The following CLDN14 variants were observed in gnomAD, a reference collection of about 807,000 sequenced individuals.
The protein encoded by CLDN14 is claudin 14, also known as claudin-14.
In CLDN14, 2 loss-of-function variants were observed where a neutral mutation model predicts 2.1. The ratio of observed to expected loss-of-function variants is 0.96; its 90% CI spans 0.39 to 3.01. CLDN14 has a LOEUF of 3.01. Among genes scored for constraint, CLDN14 ranks in the 30% most tolerant of loss-of-function variants. The probability of loss-of-function intolerance (pLI) is 0.09; values close to 1 mark genes in which losing one functional copy is unlikely to be tolerated. For missense variants in CLDN14, 298 were observed against 328.0 expected, an observed-to-expected ratio of 0.91 and a Z score of 0.71; for synonymous variants, 136 against 154.4, an observed-to-expected ratio of 0.88 and a Z score of 0.88.
chr21:36,554,190 G>T (rs529495931), intron 1 of CLDN14, among the ~76,000 whole-genome samples: 167 of 152,240 alleles, frequency 1.1e-3, no homozygotes, highest in Non-Finnish European at 2.1e-3. Flanking sequence ...AGGCCACTTT[G>T]GATATATGGC....
chr21:36,543,553 C>T (rs185701482), intron 1 of CLDN14, among the ~76,000 whole-genome samples: 34 of 152,352 alleles, frequency 2.2e-4, no homozygotes, highest in Non-Finnish European at 2.9e-5. Context: ...TTACCAAACA[C>T]TTCTCATGTT....
chr21:36,462,711 C>T (rs147028391), intron 1 of CLDN14, among the ~76,000 whole-genome samples: 5,086 of 152,034 alleles, frequency 0.033, 277 homozygotes, highest in African/African-American at 0.11. Flanking sequence ...AGGTGGATCA[C>T]CTGAGTTCAG....
chr21:36,500,146 C>T (rs1052367277), intron 2 of CLDN14, among the ~76,000 whole-genome samples: 2 of 152,254 alleles, frequency 1.3e-5, no homozygotes, highest in African/African-American at 2.4e-5. Context: ...AGTTAGCACA[C>T]GGCCCCATAT....
intron 1 of CLDN14, among the ~76,000 whole-genome samples, chr21:36,528,208 TA>T (rs1400411170): frequency 1.3e-5 from 2 of 152,214 alleles, no homozygotes; most frequent in Non-Finnish European, 2.9e-5. Context: ...ATATTATTAA[TA>T]AGGTATGAAT....
At chr21:36,485,423 G>A (rs1271785161) in intron 2 of CLDN14, among the ~76,000 whole-genome samples, 1 of 152,040 alleles carries the variant, frequency 6.6e-6, no homozygotes, top group African/African-American at 2.4e-5. Flanking sequence ...TGGCCAGGCA[G>A]GTCTTGAACT....
At chr21:36,486,122 G>T in intron 2 of CLDN14, 1 of 1,323,210 alleles carries the variant, frequency 7.6e-7, no homozygotes, top group Non-Finnish European at 1.1e-6. Context: ...AAGGAACTCA[G>T]GATCCTGCAT....
At chr21:36,480,284 G>C (rs1466191024), upstream of CLDN14, 4 of 152,312 alleles carry the variant, frequency 2.6e-5, no homozygotes, top group East Asian at 7.7e-4. Context: ...AGCTGGACGG[G>C]TCAAGGAGCA....
rs74820126 is a variant in CLDN14 at position 36,541,564 on chromosome 21, C to T, written c.-219-31064G>A. On this transcript the variant is annotated intron_variant, in intron 1 of 2. Transcript: ENST00000342108. ...TGGCTTACTCAGAGAAATAAAATTT[C>T]GCCCTTATTTTCAACTTCGAAAGCA... Among the ~76,000 whole-genome samples the T allele has an allele frequency of 8.7e-3, 1,322 of 152,274 alleles. 12 individuals are homozygous for T. Among genetic ancestry groups the T allele is most frequent in the Non-Finnish European group, 0.012 (847 of 68,012 alleles).
intron 1 of CLDN14, among the ~76,000 whole-genome samples, chr21:36,564,146 C>T (rs373349): frequency 0.58 from 88,920 of 152,088 alleles, 27,103 homozygotes; most frequent in Middle Eastern, 0.7. Flanking sequence ...ACCAGGAGCT[C>T]GGCTCAGTGT....
At chr21:36,523,622 C>G (rs750914082) in intron 1 of CLDN14, among the ~76,000 whole-genome samples, 1 of 151,214 alleles carries the variant, frequency 6.6e-6, no homozygotes, top group Non-Finnish European at 1.5e-5. Flanking sequence ...GTGGTGTGCA[C>G]TTGTAACCCC....
chr21:36,571,488 CTT>C (rs1355205243), intron 1 of CLDN14, among the ~76,000 whole-genome samples: 1 of 152,182 alleles, frequency 6.6e-6, no homozygotes, highest in African/African-American at 2.4e-5. Flanking sequence ...TTCAGAGTGA[CTT>C]ACGAAATCCC....
At chr21:36,554,424 G>C (rs778809960) in intron 1 of CLDN14, among the ~76,000 whole-genome samples, 28 of 152,212 alleles carry the variant, frequency 1.8e-4, no homozygotes, top group Non-Finnish European at 3.5e-4. Context: ...TGCCCCGTGA[G>C]GAAAGCAGAG....
At chr21:36,469,227 G>A (rs945318423) in intron 1 of CLDN14, among the ~76,000 whole-genome samples, 4 of 152,152 alleles carry the variant, frequency 2.6e-5, no homozygotes, top group African/African-American at 9.7e-5. Flanking sequence ...GCAATACCTT[G>A]GAAAAACCAC....
At chr21:36,531,512 G>A (rs1224591119) in intron 1 of CLDN14, among the ~76,000 whole-genome samples, 1 of 151,688 alleles carries the variant, frequency 6.6e-6, no homozygotes, top group Non-Finnish European at 1.5e-5. Context: ...TGATCCACAC[G>A]CCTCAGCCTC....
intron 1 of CLDN14, 22 bp from the exon 2 acceptor site, chr21:36,461,798 G>C: frequency 6.9e-7 from 1 of 1,459,742 alleles, no homozygotes; most frequent in Non-Finnish European, 9.2e-7. Context: ...AAGGGAGGCG[G>C]GAGCAGGGAG....
At chr21:36,496,730 GA>G in intron 2 of CLDN14, among the ~76,000 whole-genome samples, 1 of 10,090 alleles carries the variant, frequency 9.9e-5, no homozygotes, top group Non-Finnish European at 3.8e-4. Context: ...AGGGAGGGAG[GA>G]AGGGAGGGAG....
At chr21:36,555,806 A>AGTGTGTGTGT (rs142473999) in intron 1 of CLDN14, among the ~76,000 whole-genome samples, 20 of 143,436 alleles carry the variant, frequency 1.4e-4, no homozygotes, top group African/African-American at 5.0e-4. Flanking sequence ...TCTATAGGTC[A>AGTGTGTGTGT]GTGTGTGTGT....
At chr21:36,564,107 G>A (rs151265541) in intron 1 of CLDN14, among the ~76,000 whole-genome samples, 2 of 152,340 alleles carry the variant, frequency 1.3e-5, no homozygotes, top group East Asian at 3.9e-4. Context: ...TGGCAAATGT[G>A]GCTCCCTGAG....
intron 2 of CLDN14, among the ~76,000 whole-genome samples, chr21:36,496,751 G>A (rs1242209242): frequency 2.5e-3 from 2 of 796 alleles, no homozygotes; most frequent in Non-Finnish European, 5.4e-3. Flanking sequence ...GGAAGGAAGG[G>A]AGGGAGGGAG....
Sources: gnomAD v4.1 joint callset for allele counts (sites outside exome capture counted in the v4.1 genomes callset) on GRCh38, gnomAD v4.1.1 for gene constraint, MANE v1.5 for transcripts, NCBI Gene and HGNC (gene_info 2026-07-23, HGNC 2026-07-21) for gene names.